Variants in PTPRM observed in about 807,000 individuals in gnomAD.
PTPRM encodes protein tyrosine phosphatase receptor type M, also known as receptor-type tyrosine-protein phosphatase mu.
PTPRM carries 47 observed loss-of-function variants against 186.7 expected under a neutral mutation model. That is an observed-to-expected ratio of 0.25 (90% CI 0.20 to 0.32). The LOEUF (loss-of-function observed/expected upper bound fraction) is 0.32, where lower values mean the gene tolerates loss of function less well. PTPRM is among the 10% of genes least tolerant of loss of function. The pLI, the probability that PTPRM is intolerant of heterozygous loss-of-function variation, is 1.00. For synonymous variants in PTPRM, 668 were observed against 674.9 expected, an observed-to-expected ratio of 0.99 and a Z score of 0.16; for missense variants, 1,494 against 1,865.0, an observed-to-expected ratio of 0.80 and a Z score of 3.66.
chr18:8,109,588 T>C (rs1471450297), intron 11 of PTPRM, among the ~76,000 whole-genome samples: 1 of 152,198 alleles, frequency 6.6e-6, no homozygotes, highest in Non-Finnish European at 1.5e-5. Flanking sequence ...TTTCACCTAA[T>C]CCTCATTAAA....
At chr18:7,701,665 A>G (rs1001434869) in intron 1 of PTPRM, among the ~76,000 whole-genome samples, 8 of 152,120 alleles carry the variant, frequency 5.3e-5, no homozygotes, top group African/African-American at 9.7e-5. Context: ...TTTCAAAGAT[A>G]ATAAGCAGGT....
intron 22 of PTPRM, among the ~76,000 whole-genome samples, chr18:8,326,601 A>G (rs1296139255): frequency 1.3e-5 from 2 of 152,166 alleles, no homozygotes; most frequent in African/African-American, 2.4e-5. Context: ...AGACCAACAG[A>G]ACAGAATAGA....
intron 7 of PTPRM, among the ~76,000 whole-genome samples, chr18:8,021,271 A>G (rs1238477199): frequency 1.3e-5 from 2 of 151,372 alleles, no homozygotes; most frequent in Non-Finnish European, 2.9e-5. Flanking sequence ...AGCTTTTTTG[A>G]TTCCAAGTAA....
At chr18:8,368,490 C>T (rs574655538) in intron 23 of PTPRM, among the ~76,000 whole-genome samples, 1 of 152,260 alleles carries the variant, frequency 6.6e-6, no homozygotes, top group East Asian at 1.9e-4. Context: ...GAAGGCTGAG[C>T]ACTTACTGAG....
intron 7 of PTPRM, among the ~76,000 whole-genome samples, chr18:8,036,373 G>C (rs2086330586): frequency 6.6e-6 from 1 of 152,168 alleles, no homozygotes; most frequent in African/African-American, 2.4e-5. Context: ...TTATGCGTTG[G>C]GTAAGTAGTT....
At chr18:7,745,670 C>T (rs1261945557) in intron 1 of PTPRM, among the ~76,000 whole-genome samples, 1 of 151,992 alleles carries the variant, frequency 6.6e-6, no homozygotes, top group Admixed American at 6.6e-5. Flanking sequence ...TCACCATTAG[C>T]CAGGCATAGA....
chr18:8,303,927 G>A (rs1047988499), intron 20 of PTPRM, among the ~76,000 whole-genome samples: 1 of 152,158 alleles, frequency 6.6e-6, no homozygotes, highest in Admixed American at 6.5e-5. Flanking sequence ...AAGCACAACA[G>A]CAATCCTCAG....
chr18:8,049,443 GA>G (rs1453166910), intron 7 of PTPRM: 6 of 152,134 alleles, frequency 3.9e-5, no homozygotes, highest in Non-Finnish European at 8.8e-5. Context: ...AAATACTGCA[GA>G]AAAGGAGATA....
intron 7 of PTPRM, among the ~76,000 whole-genome samples, chr18:7,968,432 A>T (rs2054299620): frequency 7.6e-6 from 1 of 132,092 alleles, no homozygotes; most frequent in Admixed American, 7.7e-5. Flanking sequence ...CATCATAATG[A>T]CAGGATCAAA....
At chr18:8,333,683 C>T (rs1327015447) in intron 22 of PTPRM, among the ~76,000 whole-genome samples, 1 of 152,166 alleles carries the variant, frequency 6.6e-6, no homozygotes, top group Non-Finnish European at 1.5e-5. Flanking sequence ...AAATGAATGC[C>T]TCTCAGGCTC....
chr18:8,278,610 T>C (rs2094864898), intron 19 of PTPRM, among the ~76,000 whole-genome samples: 1 of 152,192 alleles, frequency 6.6e-6, no homozygotes, highest in Admixed American at 6.5e-5. Flanking sequence ...ATGTAATTGC[T>C]TAGAAGTTCG....
At chr18:7,909,034 T>C (rs1244165129) in intron 4 of PTPRM, among the ~76,000 whole-genome samples, 1 of 152,212 alleles carries the variant, frequency 6.6e-6, no homozygotes, top group African/African-American at 2.4e-5. Flanking sequence ...AAGGCAGATG[T>C]ACTGGGTGCA....
At chr18:7,885,038 G>A (rs1242419688) in intron 2 of PTPRM, among the ~76,000 whole-genome samples, 2 of 150,220 alleles carry the variant, frequency 1.3e-5, no homozygotes, top group African/African-American at 4.9e-5. Context: ...GCTGGCAAGT[G>A]AACAAAAACA....
chr18:7,936,562 T>G (rs2146913339), intron 5 of PTPRM, among the ~76,000 whole-genome samples: 1 of 151,910 alleles, frequency 6.6e-6, no homozygotes, highest in Non-Finnish European at 1.5e-5. Context: ...GCTGAGGGGG[T>G]GTTGAGGGCA....
chr18:8,258,589 A>G (rs1410522372), intron 19 of PTPRM, among the ~76,000 whole-genome samples: 1 of 151,848 alleles, frequency 6.6e-6, no homozygotes, highest in East Asian at 1.9e-4. Context: ...TCAATTTTTG[A>G]ACTGATTCTA....
At chr18:7,639,725 G>C (rs1005752862) in intron 1 of PTPRM, among the ~76,000 whole-genome samples, 6 of 152,108 alleles carry the variant, frequency 3.9e-5, no homozygotes, top group Non-Finnish European at 7.4e-5. Flanking sequence ...TCCACATGCT[G>C]TTTACATTTA....
chr18:7,687,412 A>G (rs2039628058), intron 1 of PTPRM, among the ~76,000 whole-genome samples: 1 of 152,130 alleles, frequency 6.6e-6, no homozygotes, highest in African/African-American at 2.4e-5. Flanking sequence ...TAATGACTTT[A>G]CCTATGGTGG....
intron 19 of PTPRM, among the ~76,000 whole-genome samples, chr18:8,255,576 G>A (rs1274138865): frequency 6.6e-6 from 1 of 151,800 alleles, no homozygotes; most frequent in African/African-American, 2.4e-5. Context: ...TGGTCAGAGA[G>A]GACTGCCAAA....
intron 13 of PTPRM, among the ~76,000 whole-genome samples, chr18:8,128,337 G>C (rs1436541520): frequency 6.6e-6 from 1 of 152,164 alleles, no homozygotes; most frequent in Non-Finnish European, 1.5e-5. Flanking sequence ...AATGGCAGAG[G>C]GGGATATCAG....
Sources: gnomAD v4.1 joint callset for allele counts (sites outside exome capture counted in the v4.1 genomes callset) on GRCh38, gnomAD v4.1.1 for gene constraint, MANE v1.5 for transcripts, NCBI Gene and HGNC (gene_info 2026-07-23, HGNC 2026-07-21) for gene names.